Variants in MEIOB observed in about 807,000 individuals in gnomAD.
MEIOB encodes meiosis-specific with OB domain-containing protein.
Under a neutral mutation model 53.1 loss-of-function variants are expected in MEIOB, and 50 were observed. The observed-to-expected ratio is 0.94, with a 90% CI of 0.75 to 1.19. MEIOB has a LOEUF of 1.19. Among genes scored for constraint, MEIOB ranks in the 50% most tolerant of loss-of-function variants. MEIOB has a pLI of 0.00. For missense variants in MEIOB, 551 were observed against 550.8 expected (o/e 1.00, Z 0.00); for synonymous variants, 192 against 182.5 (o/e 1.05, Z -0.42).
chr16:1,852,852 G>A (rs1254917752), intron 9 of MEIOB, among the ~76,000 whole-genome samples, 187 bp downstream of exon 9: 2 of 152,148 alleles, frequency 1.3e-5, no homozygotes, highest in Non-Finnish European at 2.9e-5. Context: ...CACCACGTCC[G>A]ACCTCACATT....
intron 1 of MEIOB, among the ~76,000 whole-genome samples, chr16:1,870,783 A>G (rs1042585534): frequency 6.6e-6 from 1 of 152,212 alleles, no homozygotes; most frequent in African/African-American, 2.4e-5. Context: ...GATGTGGCTC[A>G]CAATGCAGTG....
In MEIOB at chr16:1,834,094, C is replaced by A; in HGVS notation, c.*162G>T. ...AAGAAGGGAGGTCAGATGAGAGAGG[C>A]CTTCAGACTCACCCAGACCACCTCC... On this transcript the variant is annotated 3_prime_UTR_variant, in exon 14 of 14. Transcript: ENST00000325962. 1.8e-6 allele frequency: 1 copy of A among 542,650 alleles called. No individual in the cohort carries two copies. Among genetic ancestry groups the A allele is most frequent in the East Asian group, 3.1e-5 (1 of 31,852 alleles). The allele number at this position is 542,650 out of a possible 1,614,324, so 33.6% of individuals were successfully genotyped here. A position where few individuals can be genotyped will look rare whatever the true frequency, so the allele number is the denominator to read the frequency against.
rs1351670856 is a variant in MEIOB, at chr16:1,837,795, T to C, written c.1294A>G (p.Ile432Val). The stretch of plus-strand genomic sequence containing the variant: ...TAAAATGCACTAACTTTTAAATAAA[T>C]TTTGCTTCTTTCCAAGAGAAATTGC... ...KWQFLLERSK[I>V]YLKFVLSHRA... is the part of the protein sequence containing the mutation. The change falls in exon 13 of 14, where the codon ATT (isoleucine) becomes GTT (valine). Residue 432 changes from isoleucine to valine, a missense_variant. By Grantham distance (29) the Ile-to-Val change is conservative. Coordinates refer to ENST00000325962, the MANE Select transcript of MEIOB (RefSeq NM_001163560.3). 2 of 1,514,910 alleles carry C rather than the reference T, an allele frequency of 1.3e-6. No homozygotes were observed. The highest frequency in any genetic ancestry group is 1.8e-6 in the Non-Finnish European group (2 of 1,120,750). The allele number at this position is 1,514,910 out of a possible 1,614,324, so 93.8% of individuals were successfully genotyped here.
chr16:1,840,544 ATTATT>A (rs1200933151), intron 11 of MEIOB, among the ~76,000 whole-genome samples: 2 of 24,772 alleles, frequency 8.1e-5, no homozygotes, highest in African/African-American at 1.4e-4. Context: ...CTCTCTTATT[ATTATT>A]TTTTTTTTTT....
chr16:1,861,108 GA>G (rs1330110241), intron 4 of MEIOB, among the ~76,000 whole-genome samples: 1 of 152,100 alleles, frequency 6.6e-6, no homozygotes, highest in Non-Finnish European at 1.5e-5. Flanking sequence ...GACCCAACAA[GA>G]TTAAGAAATT....
In MEIOB at chr16:1,834,277, C is replaced by A. The variant is rs1299056107; in HGVS notation, c.1395G>T (p.Leu465Phe). Residue 465 changes from leucine (L) to phenylalanine (F), a missense_variant, in exon 14 of 14, where the codon TTG (leucine) becomes TTT (phenylalanine). Leu to Phe is a conservative substitution (Grantham distance 22). Transcript: ENST00000325962. The part of the protein sequence containing the change: ...LADPTEASRN[L>F]SGQKHV Reference sequence around the variant, plus strand: ...CGTTTTAAACATGTTTTTGTCCAGACAAGTTTCTGCTTGCCTCAGTAGGAT... The same window carrying A: ...CGTTTTAAACATGTTTTTGTCCAGAAAAGTTTCTGCTTGCCTCAGTAGGAT... The A allele has an allele frequency of 6.2e-7, 1 of 1,607,390 alleles. No individual in the cohort carries two copies. Among genetic ancestry groups the A allele is most frequent in the Non-Finnish European group, 8.5e-7 (1 of 1,174,486 alleles).
chr16:1,840,842 G>A (rs187494053), intron 11 of MEIOB, among the ~76,000 whole-genome samples: 44 of 151,982 alleles, frequency 2.9e-4, no homozygotes, highest in African/African-American at 2.2e-4. Flanking sequence ...GAGCCACCAC[G>A]CCCAGCCCTC....
intron 5 of MEIOB, among the ~76,000 whole-genome samples, chr16:1,859,889 A>C (rs1596980996): frequency 6.6e-6 from 1 of 151,978 alleles, no homozygotes; most frequent in African/African-American, 2.4e-5. Flanking sequence ...CTAAGGGGCC[A>C]CTCCCACTCC....
intron 4 of MEIOB, among the ~76,000 whole-genome samples, chr16:1,861,775 T>G (rs1899449850): frequency 6.6e-6 from 1 of 152,074 alleles, no homozygotes; most frequent in Non-Finnish European, 1.5e-5. Flanking sequence ...ACTCACGCAA[T>G]CCACCCACCT....
At chr16:1,867,644 G>A (rs1189252650) in intron 2 of MEIOB, among the ~76,000 whole-genome samples, 1 of 151,554 alleles carries the variant, frequency 6.6e-6, no homozygotes, top group Non-Finnish European at 1.5e-5. Context: ...AGCTAATTTT[G>A]TATTTTTAGT....
intron 13 of MEIOB, among the ~76,000 whole-genome samples, chr16:1,836,951 A>G (rs1898763670): frequency 6.6e-6 from 1 of 152,172 alleles, no homozygotes; most frequent in Non-Finnish European, 1.5e-5. Context: ...TACAAGAGAA[A>G]AGAGTTGAGA....
At chr16:1,856,689 T>C (rs1899315565) in intron 6 of MEIOB, among the ~76,000 whole-genome samples, 2 of 151,076 alleles carry the variant, frequency 1.3e-5, no homozygotes, top group South Asian at 4.2e-4. Context: ...CTCGAACTCC[T>C]GACCTTGTGA....
chr16:1,864,397 G>A (rs981014187), intron 3 of MEIOB, among the ~76,000 whole-genome samples: 4 of 151,882 alleles, frequency 2.6e-5, no homozygotes, highest in Non-Finnish European at 5.9e-5. Flanking sequence ...TACCACAGAT[G>A]TCATCATAAA....
rs187840313 is a variant in MEIOB, at chr16:1,851,285, C to T, written c.778+1754G>A. Among the ~76,000 whole-genome samples the T allele has an allele frequency of 8.6e-4, 131 of 152,320 alleles. 1 individual carries two copies. Among genetic ancestry groups the T allele is most frequent in the African/African-American group, 2.9e-3 (120 of 41,550 alleles). On this transcript the variant is annotated intron_variant, in intron 9 of 13. Coordinates refer to ENST00000325962, the MANE Select transcript of MEIOB (RefSeq NM_001163560.3). ...TGGGTGTTCCTCCCACACATAGGCA[C>T]AGGGCTTTCCCTTGGTTATCCCTTT...
chr16:1,864,102 T>A (rs1899524725), intron 3 of MEIOB, among the ~76,000 whole-genome samples: 1 of 152,184 alleles, frequency 6.6e-6, no homozygotes, highest in African/African-American at 2.4e-5. Flanking sequence ...CAGTGAGCTG[T>A]ATTCACATTG....
intron 1 of MEIOB, among the ~76,000 whole-genome samples, chr16:1,870,241 C>T (rs1233960071): frequency 1.3e-5 from 2 of 152,174 alleles, no homozygotes; most frequent in Non-Finnish European, 2.9e-5. Flanking sequence ...TGGCATCTTA[C>T]GTATTTTTAT....
chr16:1,868,395 C>T (rs146610074), intron 1 of MEIOB, among the ~76,000 whole-genome samples: 24 of 151,892 alleles, frequency 1.6e-4, no homozygotes, highest in Non-Finnish European at 1.6e-4. Flanking sequence ...CACGTGGTAG[C>T]GGGCACCAGT....
chr16:1,839,515 C>A (rs1338498930), intron 11 of MEIOB, 77 bp from the exon 12 acceptor site: 7 of 1,335,330 alleles, frequency 5.2e-6, no homozygotes, highest in Non-Finnish European at 7.2e-6. Context: ...AAAGAATTGT[C>A]ACTAAAAACT....
In MEIOB at chr16:1,841,898, G is replaced by A; in HGVS notation, c.956C>T (p.Pro319Leu). The A allele has an allele frequency of 6.2e-7, 1 of 1,608,604 alleles. No individual in the cohort carries two copies. The change falls in exon 11 of 14, where the codon CCT (proline) becomes CTT (leucine). Residue 319 changes from proline to leucine, a missense_variant. By Grantham distance (98) the Pro-to-Leu change is moderately conservative. Coordinates refer to ENST00000325962, the MANE Select transcript of MEIOB (RefSeq NM_001163560.3). ...GTAGGCATAAAGGATGCCATAGGAA[G>A]GATCAGCTTTTCCTTCATTCTTCAA... ...KALKNEGKADPSYGILYAYIS... is the reference protein window; with the variant it reads ...KALKNEGKADLSYGILYAYIS...
Sources: allele counts gnomAD v4.1 joint callset (sites outside exome capture counted in the v4.1 genomes callset), GRCh38; gene constraint gnomAD v4.1.1; transcripts MANE v1.5; gene names NCBI Gene and HGNC (gene_info 2026-07-23, HGNC 2026-07-21).